CRYBG1: variants seen among roughly 807,000 people sequenced by gnomAD.
CRYBG1 encodes the protein crystallin beta-gamma domain containing 1.
A neutral mutation model predicts 189.2 loss-of-function variants in CRYBG1; 139 were observed. The ratio of observed to expected loss-of-function variants is 0.73; its 90% confidence interval spans 0.64 to 0.85. The LOEUF (loss-of-function observed/expected upper bound fraction) is 0.85, where lower values mean the gene tolerates loss of function less well. Ranked by LOEUF, CRYBG1 falls within the 40% of genes least tolerant of loss-of-function variation. The probability of loss-of-function intolerance (pLI) is 0.00; values close to 1 mark genes in which losing one functional copy is unlikely to be tolerated. For missense variants in CRYBG1, 2,611 were observed against 2,675.8 expected (o/e 0.98, Z 0.53); for synonymous variants, 1,023 against 1,017.1 (o/e 1.01, Z -0.11).
intron 13 of CRYBG1, among the ~76,000 whole-genome samples, chr6:106,546,660 C>T (rs766206073): frequency 1.3e-5 from 2 of 152,222 alleles, no homozygotes; most frequent in African/African-American, 2.4e-5. Context: ...CTCTTGGGTC[C>T]TATTCTGGAG....
intron 2 of CRYBG1, among the ~76,000 whole-genome samples, chr6:106,468,093 A>G (rs978881928): frequency 6.6e-6 from 1 of 152,170 alleles, no homozygotes; most frequent in Non-Finnish European, 1.5e-5. Context: ...GACAAATATG[A>G]TACTCACACC....
chr6:106,544,444 T>G, intron 11 of CRYBG1, 127 bp from the exon 12 acceptor site: 1 of 1,104,846 alleles, frequency 9.1e-7, no homozygotes, highest in South Asian at 1.6e-5. Flanking sequence ...AGAATTCCAA[T>G]GATAATAAAG....
At chr6:106,471,729 C>T (rs988386218) in intron 2 of CRYBG1, among the ~76,000 whole-genome samples, 16 of 151,658 alleles carry the variant, frequency 1.1e-4, no homozygotes, top group Admixed American at 9.8e-4. Context: ...TTCTCCAGGC[C>T]TCCCCACCCC....
chr6:106,524,629 A>T (rs1038196484), intron 4 of CRYBG1, among the ~76,000 whole-genome samples: 2 of 152,262 alleles, frequency 1.3e-5, no homozygotes, highest in Non-Finnish European at 2.9e-5. Flanking sequence ...CATATATACC[A>T]TAAACACTTC....
At chr6:106,486,166 C>T (rs1240854963) in intron 2 of CRYBG1, among the ~76,000 whole-genome samples, 1 of 152,170 alleles carries the variant, frequency 6.6e-6, no homozygotes, top group African/African-American at 2.4e-5. Flanking sequence ...CTTCCATCCT[C>T]ATTTGTCTCA....
intron 18 of CRYBG1, among the ~76,000 whole-genome samples, chr6:106,559,223 A>T (rs924562934): frequency 3.3e-5 from 5 of 152,206 alleles, no homozygotes; most frequent in Non-Finnish European, 7.3e-5. Context: ...TTTAAAAAAG[A>T]GCAAGTCCTC....
intron 2 of CRYBG1, among the ~76,000 whole-genome samples, chr6:106,471,889 CT>C (rs1331518393): frequency 5.3e-5 from 8 of 151,978 alleles, no homozygotes; most frequent in Non-Finnish European, 8.8e-5. Context: ...ATTTTACCCC[CT>C]ATCTCTCATC....
At chr6:106,527,135 T>C (rs1317528567) in intron 6 of CRYBG1, among the ~76,000 whole-genome samples, 170 bp from the exon 7 acceptor site, 1 of 152,126 alleles carries the variant, frequency 6.6e-6, no homozygotes, top group Non-Finnish European at 1.5e-5. Flanking sequence ...GGCTTAATTA[T>C]ACCCAGTAAA....
intron 9 of CRYBG1, among the ~76,000 whole-genome samples, chr6:106,540,013 T>TGA (rs1214621938): frequency 6.6e-6 from 1 of 152,094 alleles, no homozygotes; most frequent in Non-Finnish European, 1.5e-5. Flanking sequence ...GGGTGCAGCC[T>TGA]GAGAGAGAGC....
chr6:106,390,453 T>C (rs1770479184), intron 1 of CRYBG1, among the ~76,000 whole-genome samples: 1 of 152,064 alleles, frequency 6.6e-6, no homozygotes, highest in African/African-American at 2.4e-5. Context: ...TTGTGGTATA[T>C]CTTACATAGA....
intron 10 of CRYBG1, 57 bp from the exon 11 acceptor site, chr6:106,543,383 T>G (rs1774180983): frequency 6.7e-7 from 1 of 1,495,570 alleles, no homozygotes; most frequent in South Asian, 1.2e-5. Context: ...ACTGATTTAA[T>G]GTTAAGCTGT....
intron 2 of CRYBG1, chr6:106,454,764 G>A (rs1353478842): frequency 2.0e-5 from 3 of 152,048 alleles, no homozygotes; most frequent in African/African-American, 4.8e-5. Context: ...TTTTTAACAC[G>A]TTGTAACAAC....
At chr6:106,392,385 A>T (rs1334157093) in intron 1 of CRYBG1, among the ~76,000 whole-genome samples, 1 of 152,198 alleles carries the variant, frequency 6.6e-6, no homozygotes, top group Non-Finnish European at 1.5e-5. Context: ...CTGATTTCTC[A>T]TCCTCTTTCT....
chr6:106,415,378 GC>G, intron 1 of CRYBG1, among the ~76,000 whole-genome samples: 1 of 152,312 alleles, frequency 6.6e-6, no homozygotes, highest in Non-Finnish European at 1.5e-5. Context: ...TCAAGGTTGG[GC>G]AGGGAGGAGA....
intron 20 of CRYBG1, among the ~76,000 whole-genome samples, chr6:106,561,930 T>A (rs556642617): frequency 6.6e-6 from 1 of 152,198 alleles, no homozygotes; most frequent in Non-Finnish European, 1.5e-5. Context: ...ATTTCCTAAG[T>A]GTCATACGTT....
rs898158524 is a variant in CRYBG1, at chr6:106,512,208, C to A, written c.1091C>A (p.Ala364Asp). Residue 364 changes from alanine to aspartate, a missense_variant, in exon 3 of 22, where the codon GCC becomes GAC. By Grantham distance (126) the Ala-to-Asp change is moderately radical. Around this residue, in one of 3 missense-constraint regions of CRYBG1, gnomAD observed 985 missense variants for 924.4 expected, o/e 1.07. Coordinates refer to ENST00000633556, the MANE Select transcript of CRYBG1 (RefSeq NM_001371242.2). The part of the protein sequence containing the change: ...TASSAQADCT[A>D]RPKGHAHPAK... ...AGCTCCGCGCAGGCAGACTGCACAG[C>A]CCGCCCCAAGGGTCACGCCCACCCT... 3.9e-6 allele frequency: 6 copies of A among 1,536,030 alleles called. No individual in the cohort carries two copies. The highest frequency in any genetic ancestry group is 5.2e-6 in the Non-Finnish European group (6 of 1,146,676).
intron 2 of CRYBG1, among the ~76,000 whole-genome samples, chr6:106,457,540 A>C (rs9398087): frequency 0.065 from 9,948 of 152,248 alleles, 463 homozygotes; most frequent in East Asian, 0.17. Flanking sequence ...ACTTCTCCAT[A>C]GTGACTTACT....
At chr6:106,452,955 A>G (rs531610763) in intron 2 of CRYBG1, among the ~76,000 whole-genome samples, 1 of 152,338 alleles carries the variant, frequency 6.6e-6, no homozygotes, top group East Asian at 1.9e-4. Context: ...TAATAGTGAA[A>G]TATATTTGTC....
intron 3 of CRYBG1, 47 bp downstream of exon 3, chr6:106,513,086 C>T (rs762184585): frequency 3.8e-6 from 6 of 1,561,356 alleles, no homozygotes; most frequent in Non-Finnish European, 5.2e-6. Context: ...CGCACACGTG[C>T]TGGGGGTCCG....
Sources: allele counts gnomAD v4.1 joint callset (sites outside exome capture counted in the v4.1 genomes callset), GRCh38; gene constraint gnomAD v4.1.1; regional missense constraint gnomAD v4.1.1; transcripts MANE v1.5; gene names NCBI Gene and HGNC (gene_info 2026-07-23, HGNC 2026-07-21).